Variants in S100A16 observed in about 807,000 individuals in gnomAD.
S100A16 encodes the protein S100 calcium binding protein A16, also known as protein S100-A16.
In S100A16, 8 loss-of-function variants were observed where a neutral mutation model predicts 9.0. That is an observed-to-expected ratio of 0.89 (90% CI 0.52 to 1.60). S100A16 has a LOEUF of 1.60. Among genes scored for constraint, S100A16 ranks in the 40% most tolerant of loss-of-function variants. The pLI, the probability that S100A16 is intolerant of heterozygous loss-of-function variation, is 0.00. For missense variants in S100A16, 138 were observed against 132.4 expected (o/e 1.04, Z -0.21); for synonymous variants, 51 against 51.4 (o/e 0.99, Z 0.04).
At position 153,608,067 on chromosome 1, in the gene S100A16, C is replaced by T. The variant is rs757158610; in HGVS notation, c.85G>A (p.Val29Ile). The T allele has an allele frequency of 6.2e-7, 1 of 1,613,976 alleles. No homozygotes were observed. The highest frequency in any genetic ancestry group is 1.3e-5 in the African/African-American group (1 of 74,908). The change falls in exon 2 of 3, where the codon GTC (valine) becomes ATC (isoleucine). Residue 29 changes from valine to isoleucine, a missense_variant. Coordinates refer to ENST00000368706, the MANE Select transcript of S100A16 (RefSeq NM_080388.3). ...FYKYVSKYSL[V>I]KNKISKSSFR... is the part of the protein sequence containing the mutation. Reference sequence around the variant, plus strand: ...CTGCTCTTGCTGATCTTGTTCTTGACCAGGCTGTACTTAGACACATATTTG... The same window carrying T: ...CTGCTCTTGCTGATCTTGTTCTTGATCAGGCTGTACTTAGACACATATTTG...
intron 1 of S100A16, chr1:153,608,996 A>T: frequency 1.0e-6 from 1 of 985,792 alleles, no homozygotes; most frequent in South Asian, 4.7e-5. Flanking sequence ...CTCTCACCCC[A>T]GGACAAAAGA....
intron 1 of S100A16, among the ~76,000 whole-genome samples, chr1:153,611,993 G>A (rs894602025): frequency 6.7e-6 from 1 of 150,096 alleles, no homozygotes; most frequent in Non-Finnish European, 1.5e-5. Context: ...CTCTGCTTGG[G>A]TGACCCATCA....
rs745663701 is a variant in S100A16, at chr1:153,611,917, T to TCTCACACACA, written c.-27+1034_-27+1035insTGTGTGTGAG. ...GCGTCTAACTCTCTTTGTCTCTCTC[T>TCTCACACACA]CACACACACACACACACACACACAC... On this transcript the variant is annotated intron_variant, in intron 1 of 2. Transcript: ENST00000368706. Among the ~76,000 whole-genome samples, 732 of 140,898 alleles carry TCTCACACACA rather than the reference T, an allele frequency of 5.2e-3. 11 individuals carry two copies. The East Asian group carries it at 0.062, about 12-fold the overall frequency. 92.4% of individuals were successfully genotyped at this position (140,898 alleles called of 152,430 possible).
At chr1:153,610,208 G>A (rs1000536647) in intron 1 of S100A16, among the ~76,000 whole-genome samples, 4 of 152,134 alleles carry the variant, frequency 2.6e-5, no homozygotes, top group Non-Finnish European at 2.9e-5. Flanking sequence ...TCTGAAAACC[G>A]TGCCCATTTC....
Position 153,608,053 on chromosome 1 carries a change from G to C in S100A16, c.99C>G (p.Ile33Met), listed in dbSNP as rs1401958722. ...GCATCTCGCGGAAGCTGCTCTTGCT[G>C]ATCTTGTTCTTGACCAGGCTGTACT... ...VSKYSLVKNKISKSSFREMLQ... is the reference protein window; with the variant it reads ...VSKYSLVKNKMSKSSFREMLQ... Residue 33 changes from isoleucine to methionine, a missense_variant, in exon 2 of 3, where the codon ATC (isoleucine) becomes ATG (methionine). Coordinates refer to ENST00000368706, the MANE Select transcript of S100A16 (RefSeq NM_080388.3). 5.6e-6 allele frequency: 9 copies of C among 1,613,964 alleles called. No individual in the cohort carries two copies. Among genetic ancestry groups the C allele is most frequent in the Non-Finnish European group, 6.8e-6 (8 of 1,179,980 alleles).
intron 1 of S100A16, among the ~76,000 whole-genome samples, chr1:153,611,915 T>TCACACACACACACACACA (rs1250361327): frequency 2.5e-5 from 2 of 79,714 alleles, no homozygotes; most frequent in Non-Finnish European, 5.7e-5. Context: ...TTTGTCTCTC[T>TCACACACACACACACACA]CTCACACACA....
chr1:153,608,221 C>A (rs1351305907), intron 1 of S100A16, 44 bp from the exon 2 acceptor site: 1 of 1,555,880 alleles, frequency 6.4e-7, no homozygotes. Flanking sequence ...CACCCACAGG[C>A]CATACCTCCT....
At chr1:153,607,751 A>G in intron 2 of S100A16, 59 bp from the exon 3 acceptor site, 1 of 1,599,412 alleles carries the variant, frequency 6.3e-7, no homozygotes, top group Non-Finnish European at 8.6e-7. Context: ...GACTCCAGGC[A>G]GGACCCTAGG....
rs1456218029 is a variant in S100A16, at chr1:153,607,983, G to T, written c.153+16C>A. On this transcript the variant is annotated intron_variant, in intron 2 of 2. Transcript: ENST00000368706. The stretch of plus-strand genomic sequence containing the variant: ...AAGGGGAGAGGGAGGCAAGGCCCTT[G>T]GGTGAGAGGCCTTACCGACAGCATG... The T allele has an allele frequency of 3.7e-6, 6 of 1,611,944 alleles. No individual in the cohort carries two copies. In the Admixed American group the frequency reaches 8.3e-5, roughly 22 times the overall value.
Position 153,607,465 on chromosome 1 carries a change from A to T in S100A16, c.*69T>A. 6.3e-7 allele frequency: 1 copy of T among 1,586,342 alleles called. No individual in the cohort carries two copies. The highest frequency in any genetic ancestry group is 1.3e-5 in the African/African-American group (1 of 74,466). Reference sequence around the variant, plus strand: ...GCCCTGGGTGGGCAGGAGGCTGAGGAGGGAGCCTGGGGAGAGCACCAGGGC... The same window carrying T: ...GCCCTGGGTGGGCAGGAGGCTGAGGTGGGAGCCTGGGGAGAGCACCAGGGC... On this transcript the variant is annotated 3_prime_UTR_variant, in exon 3 of 3. Transcript: ENST00000368706.
rs1050220024 is a variant in S100A16 at position 153,607,910 on chromosome 1, C to T, written c.153+89G>A. 396 of 1,399,964 alleles carry T rather than the reference C, an allele frequency of 2.8e-4. 2 individuals are homozygous for T. In the East Asian group the frequency reaches 8.9e-3, roughly 32 times the overall value. The allele number at this position is 1,399,964 out of a possible 1,614,324, so 86.7% of individuals were successfully genotyped here. ...GCGGGGACACTGGAAGGATAGAGGC[C>T]TCAGCAGGGAAAGACACCCTCAGAG... On this transcript the variant is annotated intron_variant, in intron 2 of 2. Transcript: ENST00000368706.
In S100A16 at chr1:153,607,605, T is replaced by C; in HGVS notation, c.241A>G (p.Thr81Ala). ...DGRISFDEYW[T>A]LIGGITGPIA... ...GGGCCGGTGATGCCGCCTATCAAGGTCCAGTACTCATCGAAGCTGATGCGC... is the reference window on the plus strand; with the variant it reads ...GGGCCGGTGATGCCGCCTATCAAGGCCCAGTACTCATCGAAGCTGATGCGC... The change falls in exon 3 of 3, where the codon ACC becomes GCC. Residue 81 changes from threonine to alanine, a missense_variant. Thr to Ala is a moderately conservative substitution (Grantham distance 58). Coordinates refer to ENST00000368706, the MANE Select transcript of S100A16 (RefSeq NM_080388.3). The C allele has an allele frequency of 6.2e-7, 1 of 1,614,176 alleles. No homozygotes were observed. Among genetic ancestry groups the C allele is most frequent in the Non-Finnish European group, 8.5e-7 (1 of 1,180,004 alleles).
At chr1:153,609,583 C>T (rs1156981730) in intron 1 of S100A16, among the ~76,000 whole-genome samples, 5 of 152,240 alleles carry the variant, frequency 3.3e-5, no homozygotes, top group African/African-American at 9.6e-5. Context: ...TTTTCTTACA[C>T]ATGGCCAATG....
chr1:153,608,306 G>C (rs1666748400), intron 1 of S100A16, 129 bp from the exon 2 acceptor site: 2 of 725,038 alleles, frequency 2.8e-6, no homozygotes, highest in Non-Finnish European at 4.5e-6. Flanking sequence ...GAAGGTGGCA[G>C]GAAAAGGGGA....
chr1:153,607,577 A>T lies in S100A16; in HGVS notation c.269T>A (p.Ile90Asn), dbSNP rs746884029. The part of the protein sequence containing the change: ...WTLIGGITGP[I>N]AKLIHEQEQQ... ...CTCCTGCTCATGGATGAGTTTGGCG[A>T]TGGGGCCGGTGATGCCGCCTATCAA... is the stretch of plus-strand genomic sequence containing the variant. Residue 90 changes from isoleucine to asparagine, a missense_variant, in exon 3 of 3, where the codon ATC (isoleucine) becomes AAC (asparagine). Ile to Asn is a moderately radical substitution (Grantham distance 149). Coordinates refer to ENST00000368706, the MANE Select transcript of S100A16 (RefSeq NM_080388.3). 31 of 1,614,046 alleles carry T rather than the reference A, an allele frequency of 1.9e-5. No homozygotes were observed. Among genetic ancestry groups the T allele is most frequent in the Non-Finnish European group, 2.5e-5 (30 of 1,180,000 alleles).
At position 153,608,032 on chromosome 1, in the gene S100A16, C is replaced by T; in HGVS notation, c.120G>A (p.Glu40=). The change falls in exon 2 of 3, where the codon GAG becomes GAA. Residue 40 remains glutamate (E), a synonymous_variant. Transcript: ENST00000368706. ...TGTGGTTCAGCTCTTTCTGGAGCAT[C>T]TCGCGGAAGCTGCTCTTGCTGATCT... ...KNKISKSSFR[E]MLQKELNHML... The T allele has an allele frequency of 6.2e-7, 1 of 1,614,080 alleles. No individual in the cohort carries two copies. The highest frequency in any genetic ancestry group is 8.5e-7 in the Non-Finnish European group (1 of 1,179,966).
chr1:153,607,951 G>C (rs1257544150), intron 2 of S100A16, 48 bp downstream of exon 2: 1 of 1,583,752 alleles, frequency 6.3e-7, no homozygotes, highest in East Asian at 2.2e-5. Context: ...AGGCTTGCAG[G>C]GGAGGGAAGG....
At chr1:153,608,392 A>G in intron 1 of S100A16, 1 of 520,610 alleles carries the variant, frequency 1.9e-6, no homozygotes, top group East Asian at 3.3e-5. Flanking sequence ...CCCCAGCTCA[A>G]CCGCCTCAAC....
intron 1 of S100A16, chr1:153,608,860 C>G: frequency 4.3e-6 from 4 of 938,424 alleles, no homozygotes; most frequent in Non-Finnish European, 5.1e-6. Flanking sequence ...CCTAAATACA[C>G]AGCAGGACCC....
Sources: gnomAD v4.1 joint callset for allele counts (sites outside exome capture counted in the v4.1 genomes callset) on GRCh38, gnomAD v4.1.1 for gene constraint, MANE v1.5 for transcripts, NCBI Gene and HGNC (gene_info 2026-07-23, HGNC 2026-07-21) for gene names.